Variants in SLC22A8 observed in about 807,000 individuals in gnomAD.
The protein encoded by SLC22A8 is solute carrier family 22 member 8, also known as organic anion transporter 3.
In SLC22A8, 40 loss-of-function variants were observed where a neutral mutation model predicts 48.4. The observed-to-expected ratio is 0.83, with a 90% CI of 0.64 to 1.08. The LOEUF (loss-of-function observed/expected upper bound fraction) is 1.08, where lower values mean the gene tolerates loss of function less well. Ranked by LOEUF, SLC22A8 falls within the 50% of genes least tolerant of loss-of-function variation. The probability of loss-of-function intolerance (pLI) is 0.00; values close to 1 mark genes in which losing one functional copy is unlikely to be tolerated. For synonymous variants in SLC22A8, 268 were observed against 286.3 expected, an observed-to-expected ratio of 0.94 and a Z score of 0.65; for missense variants, 606 against 699.0, an observed-to-expected ratio of 0.87 and a Z score of 1.50.
rs749944923 is a variant in SLC22A8 at position 62,994,592 on chromosome 11, G to A, written c.1166C>T (p.Ala389Val). The change falls in exon 8 of 11, where the codon GCC becomes GTC. Residue 389 changes from alanine to valine, a missense_variant. Transcript: ENST00000336232. Reference sequence around the variant, plus strand: ...GATGGCCCCTCCTGCCAGGAGCAGGGCAGCGGCCTGAGTGGTATGCCGGCC... The same window carrying A: ...GATGGCCCCTCCTGCCAGGAGCAGGACAGCGGCCTGAGTGGTATGCCGGCC... ...YLGRHTTQAA[A>V]LLLAGGAILA... The A allele has an allele frequency of 1.9e-6, 3 of 1,613,816 alleles. No homozygotes were observed. Among genetic ancestry groups the A allele is most frequent in the East Asian group, 4.5e-5 (2 of 44,882 alleles).
In SLC22A8 at chr11:62,993,790, T is replaced by A; in HGVS notation, c.1305A>T (p.Glu435Asp). 6.2e-7 allele frequency: 1 copy of A among 1,613,306 alleles called. No individual in the cohort carries two copies. The highest frequency in any genetic ancestry group is 8.5e-7 in the Non-Finnish European group (1 of 1,179,248). Residue 435 changes from glutamate to aspartate, a missense_variant, in exon 9 of 11, where the codon GAA becomes GAT. Coordinates refer to ENST00000336232, the MANE Select transcript of SLC22A8 (RefSeq NM_004254.4). ...SFSCLFLYTS[E>D]LYPTVIRQTG... ...CCTACCTGATGACTGTGGGGTATAATTCACTTGTGTAGAGGAAGAGGCAGC... is the reference window on the plus strand; with the variant it reads ...CCTACCTGATGACTGTGGGGTATAAATCACTTGTGTAGAGGAAGAGGCAGC...
rs867557872 is a variant in SLC22A8 at position 63,000,953 on chromosome 11, C to T, written c.334-130G>A. 5.5e-5 allele frequency: 38 copies of T among 687,534 alleles called. 1 individual carries two copies. Among genetic ancestry groups the T allele is most frequent in the Admixed American group, 1.8e-4 (8 of 44,980 alleles). 42.6% of individuals were successfully genotyped at this position (687,534 alleles called of 1,614,324 possible). ...GACTTTGCCCCTACCTCCCAAGGAC[C>T]GTTTCCTTTTTCAGCCCGGCTCGGA... is the stretch of plus-strand genomic sequence containing the variant. On this transcript the variant is annotated intron_variant, in intron 2 of 10. Transcript: ENST00000336232.
chr11:62,998,890 G>A, intron 5 of SLC22A8, 31 bp downstream of exon 5: 1 of 1,577,592 alleles, frequency 6.3e-7, no homozygotes, highest in Non-Finnish European at 8.7e-7. Flanking sequence ...GGGCACCTAA[G>A]GAAACAGATG....
chr11:62,999,580 G>T, intron 4 of SLC22A8, 108 bp downstream of exon 4: 1 of 951,744 alleles, frequency 1.1e-6, no homozygotes, highest in South Asian at 2.4e-5. Context: ...GTGGCACCTT[G>T]ACCAAGGTCA....
chr11:63,007,263 G>A lies in SLC22A8; in HGVS notation c.334-6440C>T, dbSNP rs543604705. Among the ~76,000 whole-genome samples the A allele has an allele frequency of 2.0e-5, 3 of 152,238 alleles. No individual in the cohort carries two copies. The East Asian group carries it at 5.8e-4, about 29-fold the overall frequency. ...CTCCTGGTGGTTCTGTTTAGTCCTC[G>A]GCATGACCTTGGCTGATCCGTCTCA... On this transcript the variant is annotated intron_variant, in intron 2 of 10. Coordinates refer to ENST00000336232, the MANE Select transcript of SLC22A8 (RefSeq NM_004254.4).
In SLC22A8 at chr11:63,000,644, G is replaced by T. The variant is rs2086482132; in HGVS notation, c.437+76C>A. The stretch of plus-strand genomic sequence containing the variant: ...CCCCCAGCTCTTTGCCTCTTTGCGG[G>T]TGCACGGGTGGAGCAGAGTAGGGAA... On this transcript the variant is annotated intron_variant, in intron 3 of 10. Transcript: ENST00000336232. 1.3e-5 allele frequency: 14 copies of T among 1,081,870 alleles called. No individual in the cohort carries two copies. The South Asian group carries it at 1.7e-4, about 13-fold the overall frequency. 67.0% of individuals were successfully genotyped at this position (1,081,870 alleles called of 1,614,324 possible). A position where few individuals can be genotyped will look rare whatever the true frequency, so the allele number is the denominator to read the frequency against.
intron 2 of SLC22A8, among the ~76,000 whole-genome samples, chr11:63,009,389 C>T (rs1459480926): frequency 7.2e-5 from 11 of 152,038 alleles, no homozygotes; most frequent in South Asian, 4.1e-4. Context: ...GGGTGGGGGA[C>T]GGGCTTCTTG....
chr11:63,004,596 G>A (rs2086534422), intron 2 of SLC22A8, among the ~76,000 whole-genome samples: 1 of 152,100 alleles, frequency 6.6e-6, no homozygotes, highest in African/African-American at 2.4e-5. Flanking sequence ...ACTCCCAGCA[G>A]CCTATACCTC....
chr11:62,999,137 G>C (rs774393675), intron 4 of SLC22A8, 48 bp from the exon 5 acceptor site: 4 of 1,542,204 alleles, frequency 2.6e-6, no homozygotes, highest in South Asian at 2.3e-5. Context: ...TAGGTCCCAG[G>C]CACCTCCGCG....
chr11:63,005,128 A>G (rs562353137), intron 2 of SLC22A8, among the ~76,000 whole-genome samples: 2 of 152,328 alleles, frequency 1.3e-5, no homozygotes, highest in African/African-American at 4.8e-5. Flanking sequence ...TTGTGGTTAA[A>G]TATTTTTAAA....
chr11:63,010,171 C>T (rs1347829924), intron 2 of SLC22A8, among the ~76,000 whole-genome samples: 8 of 152,174 alleles, frequency 5.3e-5, no homozygotes, highest in Non-Finnish European at 8.8e-5. Flanking sequence ...GCGTTATCCC[C>T]GTTCACCCTC....
At chr11:63,001,057 A>G in intron 2 of SLC22A8, 1 of 487,086 alleles carries the variant, frequency 2.1e-6, no homozygotes, top group Non-Finnish European at 3.8e-6. Flanking sequence ...ATGGCTCTCA[A>G]AGTCCACTCA....
At chr11:63,012,911 G>T (rs958983916) in intron 2 of SLC22A8, among the ~76,000 whole-genome samples, 5 of 152,154 alleles carry the variant, frequency 3.3e-5, no homozygotes, top group African/African-American at 1.2e-4. Context: ...GTGCTGGGGG[G>T]AGAAAGTAGC....
At chr11:62,997,028 G>GTCTT (rs2086429428) in intron 5 of SLC22A8, among the ~76,000 whole-genome samples, 1 of 152,144 alleles carries the variant, frequency 6.6e-6, no homozygotes. Context: ...TGCCCTGATG[G>GTCTT]TCTTCTGAGC....
chr11:63,015,554 C>CT (rs2086664536), intron 1 of SLC22A8, among the ~76,000 whole-genome samples, 175 bp downstream of exon 1: 1 of 152,234 alleles, frequency 6.6e-6, no homozygotes, highest in South Asian at 2.1e-4. Flanking sequence ...CTCAGAGCCT[C>CT]CTGGCTTCTG....
At chr11:62,997,369 C>T (rs2086434755) in intron 5 of SLC22A8, among the ~76,000 whole-genome samples, 1 of 152,154 alleles carries the variant, frequency 6.6e-6, no homozygotes, top group Non-Finnish European at 1.5e-5. Context: ...GGATTACAGG[C>T]ACGCATCACC....
intron 2 of SLC22A8, among the ~76,000 whole-genome samples, chr11:63,009,157 T>C (rs572048011): frequency 6.6e-6 from 1 of 150,940 alleles, no homozygotes; most frequent in Non-Finnish European, 1.5e-5. Flanking sequence ...GGGCTGAGGG[T>C]GGGCAAATGG....
At chr11:62,997,633 C>T (rs2086438626) in intron 5 of SLC22A8, among the ~76,000 whole-genome samples, 3 of 152,222 alleles carry the variant, frequency 2.0e-5, no homozygotes, top group Admixed American at 2.0e-4. Flanking sequence ...ATTTTGCCTC[C>T]TGACTCTGAG....
At chr11:62,996,241 G>A in intron 5 of SLC22A8, 89 bp from the exon 6 acceptor site, 9 of 1,350,438 alleles carry the variant, frequency 6.7e-6, no homozygotes, top group Non-Finnish European at 9.1e-6. Flanking sequence ...AGGGCCAAGG[G>A]GTAGGAGGAC....
Sources: allele counts gnomAD v4.1 joint callset (sites outside exome capture counted in the v4.1 genomes callset), GRCh38; gene constraint gnomAD v4.1.1; transcripts MANE v1.5; gene names NCBI Gene and HGNC (gene_info 2026-07-23, HGNC 2026-07-21).